Variants in HHAT observed in about 807,000 individuals in gnomAD.
HHAT encodes the protein protein-cysteine N-palmitoyltransferase HHAT.
In HHAT, 47 loss-of-function variants were observed where a neutral mutation model predicts 70.8. That is an observed-to-expected ratio of 0.66 (90% CI 0.53 to 0.85). The LOEUF (loss-of-function observed/expected upper bound fraction) is 0.85. Among genes scored for constraint, HHAT ranks in the 40% least tolerant of loss-of-function variants. The probability of loss-of-function intolerance (pLI) is 0.00; values close to 1 mark genes in which losing one functional copy is unlikely to be tolerated. For synonymous variants in HHAT, 228 were observed against 247.6 expected, an observed-to-expected ratio of 0.92 and a Z score of 0.74; for missense variants, 609 against 604.8, an observed-to-expected ratio of 1.01 and a Z score of -0.07.
intron 6 of HHAT, among the ~76,000 whole-genome samples, chr1:210,412,135 A>G: frequency 6.6e-6 from 1 of 152,148 alleles, no homozygotes; most frequent in African/African-American, 2.4e-5. Flanking sequence ...GCTATTCCCA[A>G]CCATGAAGAA....
intron 9 of HHAT, among the ~76,000 whole-genome samples, chr1:210,564,491 G>A (rs2095651821): frequency 6.6e-6 from 1 of 152,202 alleles, no homozygotes; most frequent in African/African-American, 2.4e-5. Context: ...TCATGATTAG[G>A]TGAACAGAAC....
Position 210,387,498 on chromosome 1 carries a change from A to G in HHAT, c.190A>G (p.Met64Val), listed in dbSNP as rs773260603. 1.9e-6 allele frequency: 3 copies of G among 1,613,928 alleles called. No individual in the cohort carries two copies. The East Asian group carries it at 6.7e-5, about 36-fold the overall frequency. ...GACCGACTTTGAGTGGAGCTTCTGGATGGAATGGGGGAAGCAGTGGCTGGT... is the reference window on the plus strand; with the variant it reads ...GACCGACTTTGAGTGGAGCTTCTGGGTGGAATGGGGGAAGCAGTGGCTGGT... ...DATDFEWSFW[M>V]EWGKQWLVWL... The change falls in exon 4 of 12, where the codon ATG becomes GTG. Residue 64 changes from methionine to valine, a missense_variant. Physicochemically the swap from Met to Val is conservative, Grantham distance 21. Transcript: ENST00000261458.
intron 4 of HHAT, 104 bp downstream of exon 4, chr1:210,387,685 A>G: frequency 1.3e-6 from 1 of 792,090 alleles, no homozygotes; most frequent in Non-Finnish European, 2.1e-6. Context: ...TAGCACTGGG[A>G]GCCTGGAAAA....
chr1:210,572,767 G>A (rs1334932224), intron 9 of HHAT, among the ~76,000 whole-genome samples: 3 of 152,026 alleles, frequency 2.0e-5, no homozygotes, highest in Non-Finnish European at 4.4e-5. Flanking sequence ...CATGGTGTGT[G>A]TACTCGCGGT....
intron 11 of HHAT, among the ~76,000 whole-genome samples, chr1:210,668,901 G>A (rs1054377754): frequency 9.2e-5 from 14 of 152,162 alleles, no homozygotes; most frequent in Admixed American, 7.2e-4. Context: ...AGCGTCCCCA[G>A]TAGCTGGGAT....
chr1:210,337,640 T>C (rs560272692), intron 1 of HHAT, among the ~76,000 whole-genome samples: 1 of 152,304 alleles, frequency 6.6e-6, no homozygotes, highest in East Asian at 1.9e-4. Context: ...ACATTTCCTC[T>C]CTGTCTCTGA....
intron 3 of HHAT, among the ~76,000 whole-genome samples, chr1:210,370,990 C>G (rs73071940): frequency 0.019 from 2,888 of 152,236 alleles, 93 homozygotes; most frequent in African/African-American, 0.066. Context: ...TAACATCTTA[C>G]ATTTTTCCTA....
intron 8 of HHAT, among the ~76,000 whole-genome samples, chr1:210,502,733 A>G (rs1037537000): frequency 1.3e-5 from 2 of 152,216 alleles, no homozygotes; most frequent in African/African-American, 4.8e-5. Context: ...TTAAAGTTCT[A>G]CTGAAGTACT....
chr1:210,619,155 G>C (rs1001559719), intron 10 of HHAT, among the ~76,000 whole-genome samples: 1 of 152,124 alleles, frequency 6.6e-6, no homozygotes, highest in Non-Finnish European at 1.5e-5. Context: ...TGAAGAGTGG[G>C]TATATTCACA....
Position 210,334,178 on chromosome 1 carries a change from A to ATTTTTT in HHAT, c.-44+5089_-44+5094dup, listed in dbSNP as rs3033354. On this transcript the variant is annotated intron_variant, in intron 1 of 11. Transcript: ENST00000261458. Reference sequence around the variant, plus strand: ...TACTTGCTGGCCACTTTAGCGTGTCATTTTTTTTTTTTTTTTTTTTGAGAA... The same window carrying ATTTTTT: ...TACTTGCTGGCCACTTTAGCGTGTCATTTTTTTTTTTTTTTTTTTTTTTTTTGAGAA... Among the ~76,000 whole-genome samples, 327 of 99,934 alleles carry ATTTTTT rather than the reference A, an allele frequency of 3.3e-3. 68 individuals carry two copies. The highest frequency in any genetic ancestry group is 4.6e-3 in the African/African-American group (127 of 27,350). 65.6% of individuals were successfully genotyped at this position (99,934 alleles called of 152,430 possible). A position where few individuals can be genotyped will look rare whatever the true frequency, so the allele number is the denominator to read the frequency against.
chr1:210,343,325 C>G (rs112467458), intron 1 of HHAT, among the ~76,000 whole-genome samples: 2,937 of 152,264 alleles, frequency 0.019, 42 homozygotes, highest in Non-Finnish European at 0.032. Flanking sequence ...CTCTTCTTCC[C>G]CTGGCCCCTT....
intron 8 of HHAT, among the ~76,000 whole-genome samples, chr1:210,499,136 TGAG>T (rs1168329490): frequency 6.6e-6 from 1 of 152,120 alleles, no homozygotes; most frequent in African/African-American, 2.4e-5. Flanking sequence ...TGCTTAGTCC[TGAG>T]AAGACCATCT....
chr1:210,340,434 A>C (rs2085941473), intron 1 of HHAT, among the ~76,000 whole-genome samples: 1 of 152,138 alleles, frequency 6.6e-6, no homozygotes, highest in South Asian at 2.1e-4. Flanking sequence ...ATATGCTAGA[A>C]TATTGCACTA....
chr1:210,582,592 C>T (rs1321231825), intron 9 of HHAT, among the ~76,000 whole-genome samples: 6 of 152,216 alleles, frequency 3.9e-5, no homozygotes. Flanking sequence ...CCACCCCTGT[C>T]TCCCACTGTA....
intron 1 of HHAT, among the ~76,000 whole-genome samples, chr1:210,340,489 G>A (rs962910022): frequency 3.3e-5 from 5 of 152,072 alleles, no homozygotes; most frequent in African/African-American, 9.7e-5. Context: ...GTGGGCATGT[G>A]CTTCTTTCAC....
intron 8 of HHAT, among the ~76,000 whole-genome samples, chr1:210,500,483 C>T (rs961395129): frequency 2.0e-5 from 3 of 152,122 alleles, no homozygotes; most frequent in African/African-American, 4.8e-5. Context: ...TCTTTTGTTT[C>T]CTGAAGCTCT....
chr1:210,479,676 T>C (rs2094361735), intron 8 of HHAT, among the ~76,000 whole-genome samples: 2 of 152,232 alleles, frequency 1.3e-5, no homozygotes, highest in African/African-American at 2.4e-5. Context: ...GTCATGTCTT[T>C]AAAATGTAAA....
intron 9 of HHAT, among the ~76,000 whole-genome samples, chr1:210,559,136 A>C (rs1246575617): frequency 6.6e-6 from 1 of 152,228 alleles, no homozygotes; most frequent in African/African-American, 2.4e-5. Context: ...CCATATGCCT[A>C]GGAAGTTTCA....
chr1:210,386,230 C>CTTTTTTTTTTTTTT lies in HHAT; in HGVS notation c.160-1225_160-1212dup, dbSNP rs869305965. On this transcript the variant is annotated intron_variant, in intron 3 of 11. Coordinates refer to ENST00000261458, the MANE Select transcript of HHAT (RefSeq NM_018194.6). ...ATTGCAGGAGTCCTTTTCTTTTTTT[C>CTTTTTTTTTTTTTT]TTTTTTTTTTTTTTTTTTTTTTTTT... 1.0e-3 allele frequency among the ~76,000 whole-genome samples: 73 copies of CTTTTTTTTTTTTTT among 69,918 alleles called. 2 individuals are homozygous for CTTTTTTTTTTTTTT. Among genetic ancestry groups the CTTTTTTTTTTTTTT allele is most frequent in the African/African-American group, 3.0e-3 (48 of 16,046 alleles). The allele number at this position is 69,918 out of a possible 152,430, so 45.9% of individuals were successfully genotyped here. A position where few individuals can be genotyped will look rare whatever the true frequency, so the allele number is the denominator to read the frequency against.
Sources: gnomAD v4.1 joint callset for allele counts (sites outside exome capture counted in the v4.1 genomes callset) on GRCh38, gnomAD v4.1.1 for gene constraint, MANE v1.5 for transcripts, NCBI Gene and HGNC (gene_info 2026-07-23, HGNC 2026-07-21) for gene names.